DIPK2A: variants seen among roughly 807,000 people sequenced by gnomAD.
The protein encoded by DIPK2A is divergent protein kinase domain 2A.
Under a neutral mutation model 39.0 loss-of-function variants are expected in DIPK2A, and 27 were observed. That is an observed-to-expected ratio of 0.69 (90% confidence interval 0.51 to 0.96). The LOEUF (loss-of-function observed/expected upper bound fraction) is 0.96. Among genes scored for constraint, DIPK2A ranks in the 40% least tolerant of loss-of-function variants. The probability of loss-of-function intolerance (pLI) is 0.00; values close to 1 mark genes in which losing one functional copy is unlikely to be tolerated. For synonymous variants in DIPK2A, 298 were observed against 240.8 expected (o/e 1.24, Z -2.20); for missense variants, 528 against 571.3 (o/e 0.92, Z 0.77).
intron 1 of DIPK2A, among the ~76,000 whole-genome samples, chr3:143,978,877 T>G (rs1032623968): frequency 2.0e-5 from 3 of 151,686 alleles, no homozygotes; most frequent in Non-Finnish European, 4.4e-5. Flanking sequence ...TGTTGGATGG[T>G]ATTGAGCAAG....
intron 1 of DIPK2A, among the ~76,000 whole-genome samples, chr3:143,976,402 T>C (rs939577728): frequency 2.6e-5 from 4 of 152,082 alleles, no homozygotes; most frequent in African/African-American, 9.7e-5. Flanking sequence ...TTGACTTTTA[T>C]ATTGTGTAAA....
chr3:143,971,995 G>A lies in DIPK2A; in HGVS notation c.-338G>A, dbSNP rs2087652614. On this transcript the variant is annotated 5_prime_UTR_variant, in exon 1 of 3. Transcript: ENST00000315691. ...AGCAGTGCGCGTGCGCGCGGGCACG[G>A]GCGCGCGACCGTCGGGTCCCCGCGC... 3.6e-6 allele frequency: 1 copy of A among 275,674 alleles called. No homozygotes were observed. The highest frequency in any genetic ancestry group is 6.8e-6 in the Non-Finnish European group (1 of 147,668). 17.1% of individuals were successfully genotyped at this position (275,674 alleles called of 1,614,324 possible).
In DIPK2A at chr3:143,972,078, T is replaced by G; in HGVS notation, c.-255T>G. 1 of 379,140 alleles carries G rather than the reference T, an allele frequency of 2.6e-6. No individual in the cohort carries two copies. Among genetic ancestry groups the G allele is most frequent in the Admixed American group, 4.5e-5 (1 of 22,034 alleles). The allele number at this position is 379,140 out of a possible 1,614,324, so 23.5% of individuals were successfully genotyped here. A position where few individuals can be genotyped will look rare whatever the true frequency, so the allele number is the denominator to read the frequency against. ...TGGCGTGGAGGAGGCGCCGCCGGAG[T>G]CGGAGGGCGGGGAGCTAGGAGGAGG... On this transcript the variant is annotated 5_prime_UTR_variant, in exon 1 of 3. Coordinates refer to ENST00000315691, the MANE Select transcript of DIPK2A (RefSeq NM_173552.5).
chr3:143,986,685 A>G (rs965868762), intron 2 of DIPK2A, among the ~76,000 whole-genome samples: 43 of 150,220 alleles, frequency 2.9e-4, no homozygotes, highest in African/African-American at 9.8e-4. Flanking sequence ...AGATTGCGCC[A>G]CTGCACTCCA....
rs1156833163 is a variant in DIPK2A, at chr3:143,978,682, CTATATATATATA to C, written c.657+5702_657+5713del. Among the ~76,000 whole-genome samples, 7 of 56,196 alleles carry C rather than the reference CTATATATATATA, an allele frequency of 1.2e-4. 1 individual carries two copies. Among genetic ancestry groups the C allele is most frequent in the African/African-American group, 4.2e-4 (6 of 14,332 alleles). 36.9% of individuals were successfully genotyped at this position (56,196 alleles called of 152,430 possible). ...TATCTATATATAGATATATATATAT[CTATATATATATA>C]TATATATACTGTCACATGACTCAGG... On this transcript the variant is annotated intron_variant, in intron 1 of 2. Transcript: ENST00000315691.
At chr3:143,987,757 G>A (rs1050480175) in intron 2 of DIPK2A, among the ~76,000 whole-genome samples, 1 of 151,910 alleles carries the variant, frequency 6.6e-6, no homozygotes, top group Admixed American at 6.6e-5. Flanking sequence ...GCTTCTCCTT[G>A]CTTGTCCACT....
intron 1 of DIPK2A, chr3:143,973,436 C>T: frequency 6.4e-7 from 1 of 1,550,862 alleles, no homozygotes; most frequent in Non-Finnish European, 8.7e-7. Context: ...CCTTTTCTGG[C>T]GCTGGTGGCT....
intron 2 of DIPK2A, 128 bp downstream of exon 2, chr3:143,985,974 T>C (rs2087893914): frequency 1.5e-6 from 1 of 682,594 alleles, no homozygotes; most frequent in Admixed American, 2.9e-5. Flanking sequence ...CTTTGCTTTA[T>C]ATGACCACTG....
chr3:143,978,688 A>C lies in DIPK2A; in HGVS notation c.657+5699A>C, dbSNP rs559745926. 1.4e-3 allele frequency among the ~76,000 whole-genome samples: 184 copies of C among 128,434 alleles called. 3 individuals carry two copies. Among genetic ancestry groups the C allele is most frequent in the South Asian group, 3.5e-3 (15 of 4,292 alleles). 84.3% of individuals were successfully genotyped at this position (128,434 alleles called of 152,430 possible). A position where few individuals can be genotyped will look rare whatever the true frequency, so the allele number is the denominator to read the frequency against. On this transcript the variant is annotated intron_variant, in intron 1 of 2. Coordinates refer to ENST00000315691, the MANE Select transcript of DIPK2A (RefSeq NM_173552.5). The stretch of plus-strand genomic sequence containing the variant: ...TATATAGATATATATATATCTATAT[A>C]TATATATATATATACTGTCACATGA...
intron 1 of DIPK2A, chr3:143,973,369 A>G (rs1377038976): frequency 6.5e-7 from 1 of 1,546,730 alleles, no homozygotes; most frequent in Non-Finnish European, 8.7e-7. Context: ...CAGACTGTTC[A>G]CGAGCCCTTG....
chr3:143,973,101 G>A, intron 1 of DIPK2A, 112 bp downstream of exon 1: 3 of 1,393,404 alleles, frequency 2.2e-6, no homozygotes, highest in South Asian at 1.3e-5. Flanking sequence ...CGGCCGGGCT[G>A]GGCCAGGCTG....
In DIPK2A at chr3:143,972,878, C is replaced by T. The variant is rs1372826077; in HGVS notation, c.546C>T (p.Arg182=). 5.7e-6 allele frequency: 9 copies of T among 1,577,600 alleles called. No individual in the cohort carries two copies. Among genetic ancestry groups the T allele is most frequent in the Admixed American group, 5.4e-5 (3 of 55,342 alleles). Residue 182 remains arginine (R), a synonymous_variant, in exon 1 of 3, where the codon CGC becomes CGT. Coordinates refer to ENST00000315691, the MANE Select transcript of DIPK2A (RefSeq NM_173552.5). The part of the protein sequence containing the change: ...SQRLLDRLVR[R]YAETKDSGSF... Reference sequence around the variant, plus strand: ...GCCTTCTCGACCGCCTGGTGCGCCGCTACGCGGAGACCAAGGACTCGGGCA... The same window carrying T: ...GCCTTCTCGACCGCCTGGTGCGCCGTTACGCGGAGACCAAGGACTCGGGCA...
Position 143,972,417 on chromosome 3 carries a change from G to C in DIPK2A, c.85G>C (p.Val29Leu), listed in dbSNP as rs772360885. 90 of 1,548,682 alleles carry C rather than the reference G, an allele frequency of 5.8e-5. No individual in the cohort carries two copies. The highest frequency in any genetic ancestry group is 5.9e-5 in the Non-Finnish European group (68 of 1,145,750). The change falls in exon 1 of 3, where the codon GTG becomes CTG. Residue 29 changes from valine to leucine, a missense_variant. Around this residue, in one of 2 missense-constraint regions of DIPK2A, gnomAD observed 309 missense variants for 289.8 expected, o/e 1.07. Coordinates refer to ENST00000315691, the MANE Select transcript of DIPK2A (RefSeq NM_173552.5). ...AALGSLLVLM[V>L]LHSPSLLASW... Reference sequence around the variant, plus strand: ...GCTGGGCAGCCTGTTGGTGCTGATGGTGCTGCACTCGCCGTCGCTGCTCGC... The same window carrying C: ...GCTGGGCAGCCTGTTGGTGCTGATGCTGCTGCACTCGCCGTCGCTGCTCGC...
At chr3:143,982,587 C>T (rs1193998278) in intron 1 of DIPK2A, among the ~76,000 whole-genome samples, 3 of 152,130 alleles carry the variant, frequency 2.0e-5, no homozygotes, top group Non-Finnish European at 2.9e-5. Context: ...CTTACAAGAC[C>T]TCCTGAAGGA....
At chr3:143,973,146 G>C (rs1351841708) in intron 1 of DIPK2A, 157 bp downstream of exon 1, 16 of 1,155,178 alleles carry the variant, frequency 1.4e-5, no homozygotes, top group Non-Finnish European at 1.9e-5. Context: ...GGGGAGCCCC[G>C]GGGCTGTGCA....
chr3:143,978,131 G>A (rs2087756938), intron 1 of DIPK2A, among the ~76,000 whole-genome samples: 1 of 151,902 alleles, frequency 6.6e-6, no homozygotes, highest in Non-Finnish European at 1.5e-5. Context: ...TTGTCAGACT[G>A]GTTTTTATTC....
intron 1 of DIPK2A, 78 bp from the exon 2 acceptor site, chr3:143,985,465 T>C: frequency 8.3e-7 from 1 of 1,206,634 alleles, no homozygotes. Context: ...AGTAGCAATC[T>C]CTACTGAAAG....
intron 1 of DIPK2A, chr3:143,978,640 C>CTATATATATATATATATCTA (rs2087773504): frequency 8.5e-6 from 1 of 117,008 alleles, no homozygotes; most frequent in Non-Finnish European, 1.8e-5. Flanking sequence ...ATATATATAT[C>CTATATATATATATATATCTA]TATATATATA....
chr3:143,973,743 G>T, intron 1 of DIPK2A: 1 of 608,482 alleles, frequency 1.6e-6, no homozygotes, highest in African/African-American at 1.9e-5. Context: ...TTAGGCCAGG[G>T]CGAGTATCAG....
Sources: allele counts gnomAD v4.1 joint callset (sites outside exome capture counted in the v4.1 genomes callset), GRCh38; gene constraint gnomAD v4.1.1; regional missense constraint gnomAD v4.1.1; transcripts MANE v1.5; gene names NCBI Gene and HGNC (gene_info 2026-07-23, HGNC 2026-07-21).